The following CCT5 variants were observed in gnomAD, a reference collection of about 807,000 sequenced individuals.
The protein encoded by CCT5 is chaperonin containing TCP1 subunit 5.
CCT5 carries 6 observed loss-of-function variants against 55.0 expected under a neutral mutation model. That is an observed-to-expected ratio of 0.11 (90% CI 0.06 to 0.22). The LOEUF is 0.22. Among genes scored for constraint, CCT5 ranks in the 10% least tolerant of loss-of-function variants. The pLI is 1.00. For missense variants in CCT5, 560 were observed against 694.6 expected, an observed-to-expected ratio of 0.81 and a Z score of 2.18; for synonymous variants, 231 against 243.7, an observed-to-expected ratio of 0.95 and a Z score of 0.49.
At chr5:10,255,892 GATTATA>G in intron 3 of CCT5, 57 bp from the exon 4 acceptor site, 1 of 1,430,236 alleles carries the variant, frequency 7.0e-7, no homozygotes, top group Non-Finnish European at 9.8e-7. Context: ...AACTTGTGCT[GATTATA>G]CTAAAAGTGA....
chr5:10,262,519 G>A lies in CCT5; in HGVS notation c.1218G>A (p.Leu406=). ...EEAKRSLHDA[L]CVIRNLIRDN... ...CGAAACGATCCCTTCACGATGCTTTGTGTGTCATCCGGAACCTCATCCGCG... is the reference window on the plus strand; with the variant it reads ...CGAAACGATCCCTTCACGATGCTTTATGTGTCATCCGGAACCTCATCCGCG... Residue 406 remains leucine, a synonymous_variant, in exon 9 of 11, where the codon TTG becomes TTA. Coordinates refer to ENST00000280326, the MANE Select transcript of CCT5 (RefSeq NM_012073.5). The A allele has an allele frequency of 6.2e-7, 1 of 1,614,246 alleles. No homozygotes were observed. The highest frequency in any genetic ancestry group is 1.1e-5 in the South Asian group (1 of 91,090).
At position 10,250,286 on chromosome 5, in the gene CCT5, T is replaced by G; in HGVS notation, c.-55T>G. ...CCTCCCGAGAAAGGGAAGTGCATTC[T>G]CGCTTCCGTAGCGGTCTCCGCCGGT... On this transcript the variant is annotated 5_prime_UTR_variant, in exon 1 of 11. Coordinates refer to ENST00000280326, the MANE Select transcript of CCT5 (RefSeq NM_012073.5). The G allele has an allele frequency of 1.2e-6, 2 of 1,612,644 alleles. No homozygotes were observed. Among genetic ancestry groups the G allele is most frequent in the Non-Finnish European group, 1.7e-6 (2 of 1,179,572 alleles).
intron 8 of CCT5, 95 bp from the exon 9 acceptor site, chr5:10,262,386 G>A: frequency 7.5e-7 from 1 of 1,339,020 alleles, no homozygotes; most frequent in African/African-American, 1.4e-5. Flanking sequence ...AAATATTAGA[G>A]CACAGCCTCT....
chr5:10,261,846 A>G (rs1168337833), intron 8 of CCT5, 101 bp downstream of exon 8: 1 of 928,764 alleles, frequency 1.1e-6, no homozygotes. Flanking sequence ...ACCATAAGAA[A>G]AATAATCGTG....
At chr5:10,259,545 T>C (rs888578490) in intron 6 of CCT5, among the ~76,000 whole-genome samples, 1 of 152,172 alleles carries the variant, frequency 6.6e-6, no homozygotes, top group African/African-American at 2.4e-5. Context: ...ACAGCTCCAT[T>C]ACAGACACTG....
chr5:10,256,015 T>G lies in CCT5; in HGVS notation c.392T>G (p.Ile131Ser). Residue 131 changes from isoleucine (I) to serine (S), a missense_variant, in exon 4 of 11, where the codon ATC (isoleucine) becomes AGC (serine). By Grantham distance (142) the Ile-to-Ser change is moderately radical. Transcript: ENST00000280326. ...TTGCTAGACCGAGGCATTCACCCAA[T>G]CAGAATAGCCGATGGCTATGAGCAG... is the stretch of plus-strand genomic sequence containing the variant. ...EQLLDRGIHP[I>S]RIADGYEQAA... 1 of 1,614,214 alleles carries G rather than the reference T, an allele frequency of 6.2e-7. No individual in the cohort carries two copies. Among genetic ancestry groups the G allele is most frequent in the Non-Finnish European group, 8.5e-7 (1 of 1,180,016 alleles).
intron 10 of CCT5, among the ~76,000 whole-genome samples, chr5:10,264,216 A>C (rs920689368): frequency 1.3e-5 from 2 of 152,126 alleles, no homozygotes; most frequent in Admixed American, 6.5e-5. Flanking sequence ...CAGAGGTTCC[A>C]GTGAGCTGAG....
upstream of CCT5, chr5:10,249,930 A>AGG: frequency 2.6e-6 from 2 of 756,004 alleles, no homozygotes; most frequent in Non-Finnish European, 3.3e-6. Context: ...AAAAAAAAAA[A>AGG]AAAACCGGAA....
At chr5:10,255,894 T>C in intron 3 of CCT5, 61 bp from the exon 4 acceptor site, 1 of 1,444,156 alleles carries the variant, frequency 6.9e-7, no homozygotes, top group Non-Finnish European at 9.7e-7. Context: ...CTTGTGCTGA[T>C]TATACTAAAA....
At chr5:10,255,918 G>A (rs1157547206) in intron 3 of CCT5, 37 bp from the exon 4 acceptor site, 3 of 1,594,102 alleles carry the variant, frequency 1.9e-6, no homozygotes, top group African/African-American at 1.3e-5. Context: ...AAGTTTTGTT[G>A]TTTGCCTGAA....
chr5:10,249,921 A>AC (rs1745263706), upstream of CCT5: 3 of 1,437,220 alleles, frequency 2.1e-6, no homozygotes, highest in African/African-American at 1.5e-5. Context: ...AAAAAAAAAA[A>AC]AAAAAAAAAA....
At chr5:10,251,848 C>G (rs762191500) in intron 1 of CCT5, among the ~76,000 whole-genome samples, 2 of 152,244 alleles carry the variant, frequency 1.3e-5, no homozygotes, top group Non-Finnish European at 2.9e-5. Context: ...AATACACACA[C>G]CTGGTGTAAC....
rs376585317 is a variant in CCT5 at position 10,256,109 on chromosome 5, C to T, written c.486C>T (p.Thr162=). Residue 162 remains threonine, a synonymous_variant, in exon 4 of 11, where the codon ACC becomes ACT. Transcript: ENST00000280326. ...GCGTCCTTGTTGACATAAAGGACAC[C>T]GAACCCCTGATTCAGACAGCAAAAA... is the stretch of plus-strand genomic sequence containing the variant. ...SDSVLVDIKD[T]EPLIQTAKTT... 28 of 1,613,722 alleles carry T rather than the reference C, an allele frequency of 1.7e-5. No individual in the cohort carries two copies. Among genetic ancestry groups the T allele is most frequent in the Middle Eastern group, 1.7e-4 (1 of 6,034 alleles).
At chr5:10,264,225 A>C (rs1205228240) in intron 10 of CCT5, among the ~76,000 whole-genome samples, 1 of 152,020 alleles carries the variant, frequency 6.6e-6, no homozygotes, top group Non-Finnish European at 1.5e-5. Context: ...CAGTGAGCTG[A>C]GATCGCACTG....
chr5:10,250,535 C>G, intron 1 of CCT5, 90 bp downstream of exon 1: 1 of 1,561,272 alleles, frequency 6.4e-7, no homozygotes, highest in Non-Finnish European at 8.7e-7. Context: ...AGCGGCTCTG[C>G]CATGTGCTCC....
chr5:10,266,355 GTTTCA>G lies in CCT5; in HGVS notation c.*1576_*1580del, dbSNP rs1203295090. 1 of 152,092 alleles carries G rather than the reference GTTTCA, an allele frequency of 6.6e-6. No homozygotes were observed. The highest frequency in any genetic ancestry group is 1.5e-5 in the Non-Finnish European group (1 of 68,000). 9.4% of individuals were successfully genotyped at this position (152,092 alleles called of 1,614,324 possible). On this transcript the variant is annotated 3_prime_UTR_variant, in exon 11 of 11. Transcript: ENST00000280326. ...GATGTTTCACAAGCCTTTGATTTTT[GTTTCA>G]TTTATTTGTAATAAACCTCTTCCAC...
rs879119889 is a variant in CCT5, at chr5:10,263,386, T to C, written c.1498+72T>C. 11 of 1,350,864 alleles carry C rather than the reference T, an allele frequency of 8.1e-6. No individual in the cohort carries two copies. The South Asian group carries it at 1.1e-4, about 13-fold the overall frequency. 83.7% of individuals were successfully genotyped at this position (1,350,864 alleles called of 1,614,324 possible). On this transcript the variant is annotated intron_variant, in intron 10 of 10. Coordinates refer to ENST00000280326, the MANE Select transcript of CCT5 (RefSeq NM_012073.5). ...TTAAACTGAATAATCATCCACTGTA[T>C]GTGCTGTGAGATGATGGTGTCTTTT...
rs760501927 is a variant in CCT5, at chr5:10,262,438, T to G, written c.1180-43T>G. 48 of 1,611,524 alleles carry G rather than the reference T, an allele frequency of 3.0e-5. No individual in the cohort carries two copies. In the East Asian group the frequency reaches 1.0e-3, roughly 34 times the overall value. On this transcript the variant is annotated intron_variant, in intron 8 of 10. Coordinates refer to ENST00000280326, the MANE Select transcript of CCT5 (RefSeq NM_012073.5). The stretch of plus-strand genomic sequence containing the variant: ...GCCAGATACTTGGCTCTAAATTGAC[T>G]AGATCTTGATCACATTAATTCAGGC...
Position 10,256,228 on chromosome 5 carries a change from A to G in CCT5, c.530+75A>G, listed in dbSNP as rs910058601. ...GTTTGCCATTTCTTAAAGGCAACAC[A>G]AAATGACCACTGGTGGATTTGTATC... On this transcript the variant is annotated intron_variant, in intron 4 of 10. Coordinates refer to ENST00000280326, the MANE Select transcript of CCT5 (RefSeq NM_012073.5). 7.2e-5 allele frequency: 89 copies of G among 1,232,916 alleles called. No individual in the cohort carries two copies. In the Middle Eastern group the frequency reaches 8.0e-4, roughly 11 times the overall value. 76.4% of individuals were successfully genotyped at this position (1,232,916 alleles called of 1,614,324 possible). A position where few individuals can be genotyped will look rare whatever the true frequency, so the allele number is the denominator to read the frequency against.
Sources: gnomAD v4.1 joint callset for allele counts (sites outside exome capture counted in the v4.1 genomes callset) on GRCh38, gnomAD v4.1.1 for gene constraint, MANE v1.5 for transcripts, NCBI Gene and HGNC (gene_info 2026-07-23, HGNC 2026-07-21) for gene names.